Variants in GRM7 observed in about 807,000 individuals in gnomAD.
The protein encoded by GRM7 is glutamate metabotropic receptor 7.
GRM7 carries 35 observed loss-of-function variants against 84.5 expected under a neutral mutation model. That is an observed-to-expected ratio of 0.41 (90% confidence interval 0.32 to 0.55). The LOEUF is 0.55. GRM7 is among the 20% of genes least tolerant of loss of function. The probability of loss-of-function intolerance (pLI) is 0.19; values close to 1 mark genes in which losing one functional copy is unlikely to be tolerated. For synonymous variants in GRM7, 487 were observed against 455.1 expected (o/e 1.07, Z -0.89); for missense variants, 1,003 against 1,194.6 (o/e 0.84, Z 2.36).
At chr3:7,472,337 A>G (rs1698735678) in intron 7 of GRM7, among the ~76,000 whole-genome samples, 2 of 143,768 alleles carry the variant, frequency 1.4e-5, no homozygotes, top group South Asian at 2.1e-4. Context: ...GTAAATAGGA[A>G]TGTTATGAAT....
intron 1 of GRM7, among the ~76,000 whole-genome samples, chr3:6,966,525 TAA>T (rs1693527067): frequency 6.6e-6 from 1 of 152,230 alleles, no homozygotes; most frequent in African/African-American, 2.4e-5. Flanking sequence ...TGAACTTCCC[TAA>T]GATTGCCCAT....
intron 2 of GRM7, among the ~76,000 whole-genome samples, chr3:7,196,756 G>T (rs1469402049): frequency 6.6e-6 from 1 of 151,950 alleles, no homozygotes; most frequent in East Asian, 1.9e-4. Flanking sequence ...ATATGGCTTG[G>T]CATATTTATA....
chr3:7,604,315 A>G (rs1696459989), intron 8 of GRM7, among the ~76,000 whole-genome samples: 1 of 152,188 alleles, frequency 6.6e-6, no homozygotes, highest in Admixed American at 6.6e-5. Flanking sequence ...TTCATTTACT[A>G]TAGAGGATAG....
At chr3:7,117,691 T>C (rs1280695550) in intron 1 of GRM7, among the ~76,000 whole-genome samples, 1 of 152,182 alleles carries the variant, frequency 6.6e-6, no homozygotes, top group East Asian at 1.9e-4. Context: ...AAGCCTCATT[T>C]AAAATCTGGA....
chr3:7,160,513 G>A (rs1471061412), intron 2 of GRM7, among the ~76,000 whole-genome samples: 1 of 152,104 alleles, frequency 6.6e-6, no homozygotes, highest in Non-Finnish European at 1.5e-5. Context: ...CTGCTGGATA[G>A]ATTTAGGTTT....
intron 1 of GRM7, among the ~76,000 whole-genome samples, chr3:7,077,215 A>T (rs1480943993): frequency 6.6e-6 from 1 of 152,172 alleles, no homozygotes; most frequent in Non-Finnish European, 1.5e-5. Flanking sequence ...CAGCAATCCC[A>T]TTACTGGGTG....
chr3:6,928,129 T>G lies in GRM7; in HGVS notation c.519+66222T>G, dbSNP rs1263945356. On this transcript the variant is annotated intron_variant, in intron 1 of 9. Transcript: ENST00000357716. The surrounding 1 kb of genome is among the most constrained non-coding windows in gnomAD (Gnocchi z 4.5). ...TTTTCTACACTGCTGAGGTAGGTAT[T>G]TTAACACATCCCTCATTGATCCTGT... 1.3e-5 allele frequency among the ~76,000 whole-genome samples: 2 copies of G among 152,062 alleles called. No homozygotes were observed. Among genetic ancestry groups the G allele is most frequent in the Non-Finnish European group, 2.9e-5 (2 of 67,994 alleles).
intron 8 of GRM7, among the ~76,000 whole-genome samples, chr3:7,642,602 G>A (rs1355457576): frequency 6.6e-6 from 1 of 152,104 alleles, no homozygotes; most frequent in Non-Finnish European, 1.5e-5. Context: ...TATTAACCAC[G>A]TGAGTTCCAT....
intron 2 of GRM7, among the ~76,000 whole-genome samples, chr3:7,209,535 A>G (rs527938114): frequency 6.6e-6 from 1 of 152,228 alleles, no homozygotes; most frequent in Non-Finnish European, 1.5e-5. Flanking sequence ...ATTTGATTGA[A>G]AGCTTTAAAA....
intron 4 of GRM7, among the ~76,000 whole-genome samples, chr3:7,358,005 A>C (rs1006075784): frequency 6.6e-6 from 1 of 152,110 alleles, no homozygotes; most frequent in East Asian, 1.9e-4. Flanking sequence ...GACCTTGAAT[A>C]TAGAGCAACA....
intron 9 of GRM7, among the ~76,000 whole-genome samples, chr3:7,712,837 C>G (rs1404428354): frequency 6.6e-6 from 1 of 152,124 alleles, no homozygotes; most frequent in Non-Finnish European, 1.5e-5. Context: ...TCCTCTGAAG[C>G]CTGTAGTAGA....
At chr3:7,376,583 C>G (rs1034175415) in intron 4 of GRM7, among the ~76,000 whole-genome samples, 1 of 152,180 alleles carries the variant, frequency 6.6e-6, no homozygotes, top group African/African-American at 2.4e-5. Context: ...CAGAATTTTG[C>G]AATGTGCAGC....
intron 1 of GRM7, among the ~76,000 whole-genome samples, chr3:7,052,084 G>T (rs1697022547): frequency 6.6e-6 from 1 of 151,552 alleles, no homozygotes; most frequent in East Asian, 1.9e-4. Flanking sequence ...TTCTCATTTT[G>T]CTTATACTTT....
At chr3:7,407,508 G>C (rs367751337) in intron 4 of GRM7, among the ~76,000 whole-genome samples, 179 of 152,284 alleles carry the variant, frequency 1.2e-3, no homozygotes, top group African/African-American at 4.2e-3. Flanking sequence ...CAAAAGGAAA[G>C]GAACCTGCAT....
At chr3:7,217,180 G>C (rs1368036146) in intron 2 of GRM7, among the ~76,000 whole-genome samples, 4 of 152,194 alleles carry the variant, frequency 2.6e-5, no homozygotes, top group Non-Finnish European at 5.9e-5. Context: ...CCCAGATTCA[G>C]AGAGGAAGTG....
At chr3:7,384,072 A>C (rs957717565) in intron 4 of GRM7, among the ~76,000 whole-genome samples, 1 of 152,204 alleles carries the variant, frequency 6.6e-6, no homozygotes, top group African/African-American at 2.4e-5. Context: ...TCTCTTGGCC[A>C]GGCTGGAGTG....
chr3:7,369,631 A>AT (rs1694051792), intron 4 of GRM7, among the ~76,000 whole-genome samples: 2 of 152,016 alleles, frequency 1.3e-5, no homozygotes, highest in Admixed American at 1.3e-4. Flanking sequence ...AGTTTTCATA[A>AT]TTTTTTCTTG....
chr3:7,482,817 A>G (rs760318383), intron 7 of GRM7, among the ~76,000 whole-genome samples: 1 of 152,214 alleles, frequency 6.6e-6, no homozygotes, highest in Non-Finnish European at 1.5e-5. Context: ...CTAGGGAAAG[A>G]CTAAGGATGT....
Position 7,686,497 on chromosome 3 carries a change from T to A in GRM7, c.2698+6202T>A. 4 of 810,478 alleles carry A rather than the reference T, an allele frequency of 4.9e-6. 1 individual carries two copies. The South Asian group carries it at 5.9e-5, about 12-fold the overall frequency. The allele number at this position is 810,478 out of a possible 1,614,324, so 50.2% of individuals were successfully genotyped here. ...TTTATTTATGTGTTCTTGTCTCCAA[T>A]GAGAATTAGAAATGTTTCCATGGAA... is the stretch of plus-strand genomic sequence containing the variant. On this transcript the variant is annotated intron_variant, in intron 9 of 9. Transcript: ENST00000357716.
Sources: allele counts gnomAD v4.1 joint callset (sites outside exome capture counted in the v4.1 genomes callset), GRCh38; gene constraint gnomAD v4.1.1; non-coding constraint Gnocchi (gnomAD v3.1); transcripts MANE v1.5; gene names NCBI Gene and HGNC (gene_info 2026-07-23, HGNC 2026-07-21).